The following EDC4 variants were observed in gnomAD, a reference collection of about 807,000 sequenced individuals.
EDC4 encodes enhancer of mRNA decapping 4.
EDC4 carries 64 observed loss-of-function variants against 155.8 expected under a neutral mutation model. The ratio of observed to expected loss-of-function variants is 0.41; its 90% CI spans 0.34 to 0.51. EDC4 has a LOEUF of 0.51. EDC4 is among the 20% of genes least tolerant of loss of function. The pLI, the probability that EDC4 is intolerant of heterozygous loss-of-function variation, is 0.19. For synonymous variants in EDC4, 684 were observed against 716.8 expected (o/e 0.95, Z 0.73); for missense variants, 1,303 against 1,812.5 (o/e 0.72, Z 5.10).
In EDC4 at chr16:67,877,068, A is replaced by C; in HGVS notation, c.451+96A>C. Reference sequence around the variant, plus strand: ...CACTCAGGCCTTAGGGGTACAATGGAAGGTTTGTCCATGCTGCCTCTTGGG... The same window carrying C: ...CACTCAGGCCTTAGGGGTACAATGGCAGGTTTGTCCATGCTGCCTCTTGGG... On this transcript the variant is annotated intron_variant, in intron 4 of 28. Transcript: ENST00000358933. This position sits in a 1 kb window ranked among gnomAD's most constrained non-coding sequence, Gnocchi z 4.9. 6.4e-7 allele frequency: 1 copy of C among 1,561,628 alleles called. No homozygotes were observed. Among genetic ancestry groups the C allele is most frequent in the Non-Finnish European group, 8.7e-7 (1 of 1,152,416 alleles).
At position 67,873,090 on chromosome 16, in the gene EDC4, T is replaced by G. The variant is rs2058025889; in HGVS notation, c.-172T>G. On this transcript the variant is annotated 5_prime_UTR_variant, in exon 1 of 29. Coordinates refer to ENST00000358933, the MANE Select transcript of EDC4 (RefSeq NM_014329.5). ...GGGTGCCGGAAGTGGAGGCGGTTGG[T>G]GGGGTTGGCGGGGCTCAGCGACGCT... The G allele has an allele frequency of 2.2e-6, 1 of 444,814 alleles. No homozygotes were observed. The highest frequency in any genetic ancestry group is 3.8e-6 in the Non-Finnish European group (1 of 259,960). 27.6% of individuals were successfully genotyped at this position (444,814 alleles called of 1,614,324 possible).
Position 67,880,307 on chromosome 16 carries a change from T to G in EDC4, c.2097+91T>G. On this transcript the variant is annotated intron_variant, in intron 17 of 28. Transcript: ENST00000358933. This position sits in a 1 kb window ranked among gnomAD's most constrained non-coding sequence, Gnocchi z 5.2. ...TGGGCTCCTCCCAGCCCCCTGCTGCTGATCCTGCTCTACCCGACATGGTCC... is the reference window on the plus strand; with the variant it reads ...TGGGCTCCTCCCAGCCCCCTGCTGCGGATCCTGCTCTACCCGACATGGTCC... 6.7e-7 allele frequency: 1 copy of G among 1,496,318 alleles called. No individual in the cohort carries two copies. Among genetic ancestry groups the G allele is most frequent in the African/African-American group, 1.4e-5 (1 of 72,046 alleles). The allele number at this position is 1,496,318 out of a possible 1,614,324, so 92.7% of individuals were successfully genotyped here.
In EDC4 at chr16:67,883,319, T is replaced by C. The variant is rs2058078676; in HGVS notation, c.3849+142T>C. ...GTTCCCTTTGGCCTCCAGGCCATTG[T>C]CCCTGCTGCTTCCTCTTCCTGGACC... On this transcript the variant is annotated intron_variant, in intron 27 of 28. Coordinates refer to ENST00000358933, the MANE Select transcript of EDC4 (RefSeq NM_014329.5). The surrounding 1 kb of genome is among the most constrained non-coding windows in gnomAD (Gnocchi z 5.3). The C allele has an allele frequency of 8.1e-6, 11 of 1,357,636 alleles. No homozygotes were observed. In the South Asian group the frequency reaches 1.6e-4, roughly 20 times the overall value. 84.1% of individuals were successfully genotyped at this position (1,357,636 alleles called of 1,614,324 possible).
In EDC4 at chr16:67,882,663, T is replaced by C. The variant is rs753091404; in HGVS notation, c.3443-16T>C. ...TTCCTACTGTTCCTCTTATAGTCCC[T>C]GTGGTCACCCCTCAGACTTGCAGCA... On this transcript the variant is annotated splice_polypyrimidine_tract_variant and intron_variant, in intron 25 of 28. Coordinates refer to ENST00000358933, the MANE Select transcript of EDC4 (RefSeq NM_014329.5). This position sits in a 1 kb window ranked among gnomAD's most constrained non-coding sequence, Gnocchi z 7.2. The C allele has an allele frequency of 6.2e-7, 1 of 1,614,208 alleles. No individual in the cohort carries two copies. Among genetic ancestry groups the C allele is most frequent in the East Asian group, 2.2e-5 (1 of 44,888 alleles).
Position 67,883,564 on chromosome 16 carries a change from C to G in EDC4, c.3850-4C>G. The G allele has an allele frequency of 1.2e-6, 2 of 1,613,102 alleles. No homozygotes were observed. The highest frequency in any genetic ancestry group is 1.7e-6 in the Non-Finnish European group (2 of 1,179,912). On this transcript the variant is annotated splice_region_variant and splice_polypyrimidine_tract_variant and intron_variant, in intron 27 of 28. Coordinates refer to ENST00000358933, the MANE Select transcript of EDC4 (RefSeq NM_014329.5). This position sits in a 1 kb window ranked among gnomAD's most constrained non-coding sequence, Gnocchi z 5.3. ...ATAAACACTGCTGCTTTTTTCTCCTCCAGGCGCTGACAGCTGCTGACCTGA... is the reference window on the plus strand; with the variant it reads ...ATAAACACTGCTGCTTTTTTCTCCTGCAGGCGCTGACAGCTGCTGACCTGA...
chr16:67,874,048 G>A (rs985547953), intron 1 of EDC4, among the ~76,000 whole-genome samples: 2 of 152,204 alleles, frequency 1.3e-5, no homozygotes, highest in African/African-American at 2.4e-5. Context: ...TTGAAAGAAA[G>A]GAGTGTCTCG....
Position 67,876,776 on chromosome 16 carries a change from C to T in EDC4, c.352-97C>T, listed in dbSNP as rs2058043304. 6.4e-7 allele frequency: 1 copy of T among 1,569,682 alleles called. No homozygotes were observed. Among genetic ancestry groups the T allele is most frequent in the Admixed American group, 1.8e-5 (1 of 56,372 alleles). ...GGCTCCAGGAGGTAACAGTGGGTAG[C>T]TGGACTTGCATCTGTGTCCTCTCCC... On this transcript the variant is annotated intron_variant, in intron 3 of 28. Coordinates refer to ENST00000358933, the MANE Select transcript of EDC4 (RefSeq NM_014329.5). This position sits in a 1 kb window ranked among gnomAD's most constrained non-coding sequence, Gnocchi z 5.8.
Position 67,873,079 on chromosome 16 carries a change from G to C in EDC4, c.-183G>C, listed in dbSNP as rs1242953750. Reference sequence around the variant, plus strand: ...CCTCGGCTCGTGGGTGCCGGAAGTGGAGGCGGTTGGTGGGGTTGGCGGGGC... The same window carrying C: ...CCTCGGCTCGTGGGTGCCGGAAGTGCAGGCGGTTGGTGGGGTTGGCGGGGC... On this transcript the variant is annotated 5_prime_UTR_variant, in exon 1 of 29. Transcript: ENST00000358933. 2.3e-6 allele frequency: 1 copy of C among 438,502 alleles called. No individual in the cohort carries two copies. The highest frequency in any genetic ancestry group is 3.6e-5 in the East Asian group (1 of 27,580). The allele number at this position is 438,502 out of a possible 1,614,324, so 27.2% of individuals were successfully genotyped here.
Position 67,881,925 on chromosome 16 carries a change from T to G in EDC4, c.3005-29T>G. 4 of 1,603,834 alleles carry G rather than the reference T, an allele frequency of 2.5e-6. No homozygotes were observed. The highest frequency in any genetic ancestry group is 3.4e-6 in the Non-Finnish European group (4 of 1,173,024). ...GCCTGGGAAGGAGTACACGACCTGCTCCAGGCCCGTTCCTTAGCTATGGCG... is the reference window on the plus strand; with the variant it reads ...GCCTGGGAAGGAGTACACGACCTGCGCCAGGCCCGTTCCTTAGCTATGGCG... On this transcript the variant is annotated intron_variant, in intron 22 of 28. Coordinates refer to ENST00000358933, the MANE Select transcript of EDC4 (RefSeq NM_014329.5). This position sits in a 1 kb window ranked among gnomAD's most constrained non-coding sequence, Gnocchi z 5.4.
In EDC4 at chr16:67,878,939, A is replaced by T; in HGVS notation, c.1288-18A>T. 1 of 1,610,224 alleles carries T rather than the reference A, an allele frequency of 6.2e-7. No homozygotes were observed. Among genetic ancestry groups the T allele is most frequent in the Non-Finnish European group, 8.5e-7 (1 of 1,178,638 alleles). On this transcript the variant is annotated intron_variant, in intron 11 of 28. Transcript: ENST00000358933. This position sits in a 1 kb window ranked among gnomAD's most constrained non-coding sequence, Gnocchi z 5.2. ...CCCTTAGCCTCTGAGCTCAGCTAGG[A>T]ACGTTCTGCCTGTGCAGGTCCTCTA... is the stretch of plus-strand genomic sequence containing the variant.
rs1264086746 is a variant in EDC4 at position 67,879,195 on chromosome 16, CAG to C, written c.1469-37_1469-36del. The C allele has an allele frequency of 3.1e-6, 5 of 1,614,068 alleles. No homozygotes were observed. The highest frequency in any genetic ancestry group is 4.2e-6 in the Non-Finnish European group (5 of 1,180,034). ...ATATATCTAGGGGGTTGTGGAGGCACAGAGAGGGCCAGGGGCTTCATCATCCA... is the reference window on the plus strand; with the variant it reads ...ATATATCTAGGGGGTTGTGGAGGCACAGAGGGCCAGGGGCTTCATCATCCA... On this transcript the variant is annotated intron_variant, in intron 12 of 28. Transcript: ENST00000358933. This position sits in a 1 kb window ranked among gnomAD's most constrained non-coding sequence, Gnocchi z 6.0.
Position 67,877,491 on chromosome 16 carries a change from C to A in EDC4, c.642-18C>A. 1 of 1,613,984 alleles carries A rather than the reference C, an allele frequency of 6.2e-7. No individual in the cohort carries two copies. Reference sequence around the variant, plus strand: ...ACGCCTCTTCATTCATCTATCTAGCCCTTAACACCCTGCTCAGAGAAGAGA... The same window carrying A: ...ACGCCTCTTCATTCATCTATCTAGCACTTAACACCCTGCTCAGAGAAGAGA... On this transcript the variant is annotated intron_variant, in intron 5 of 28. Transcript: ENST00000358933. This position sits in a 1 kb window ranked among gnomAD's most constrained non-coding sequence, Gnocchi z 4.9.
Position 67,881,462 on chromosome 16 carries a change from C to T in EDC4, c.2790-35C>T, listed in dbSNP as rs773064151. 6.2e-6 allele frequency: 10 copies of T among 1,614,070 alleles called. No individual in the cohort carries two copies. Among genetic ancestry groups the T allele is most frequent in the South Asian group, 1.1e-5 (1 of 91,092 alleles). ...AGGGAGAGGGTGGTCTCTAGGCTGC[C>T]TCACATAGCCTGAGGTGCTTCTCGC... On this transcript the variant is annotated intron_variant, in intron 20 of 28. Transcript: ENST00000358933. The surrounding 1 kb of genome is among the most constrained non-coding windows in gnomAD (Gnocchi z 5.4).
rs758565921 is a variant in EDC4, at chr16:67,882,664, G to T, written c.3443-15G>T. 2.5e-6 allele frequency: 4 copies of T among 1,614,228 alleles called. No homozygotes were observed. The highest frequency in any genetic ancestry group is 2.5e-6 in the Non-Finnish European group (3 of 1,180,044). On this transcript the variant is annotated splice_polypyrimidine_tract_variant and intron_variant, in intron 25 of 28. Coordinates refer to ENST00000358933, the MANE Select transcript of EDC4 (RefSeq NM_014329.5). The surrounding 1 kb of genome is among the most constrained non-coding windows in gnomAD (Gnocchi z 7.2). The stretch of plus-strand genomic sequence containing the variant: ...TCCTACTGTTCCTCTTATAGTCCCT[G>T]TGGTCACCCCTCAGACTTGCAGCAG...
chr16:67,875,694 C>A, intron 1 of EDC4: 1 of 1,290,986 alleles, frequency 7.7e-7, no homozygotes, highest in African/African-American at 1.5e-5. Flanking sequence ...CCTGAGTATT[C>A]ACTGCCCTCA....
Position 67,882,192 on chromosome 16 carries a change from A to G in EDC4, c.3161-20A>G. The G allele has an allele frequency of 6.2e-7, 1 of 1,613,256 alleles. No homozygotes were observed. Among genetic ancestry groups the G allele is most frequent in the Non-Finnish European group, 8.5e-7 (1 of 1,179,656 alleles). On this transcript the variant is annotated intron_variant, in intron 23 of 28. Transcript: ENST00000358933. The surrounding 1 kb of genome is among the most constrained non-coding windows in gnomAD (Gnocchi z 7.2). ...AAGCTTCTTCTCATGGCTCCACCTC[A>G]CCCTCTTCCCCTCTCCCAGGTGTCT...
At chr16:67,874,374 G>A (rs138060188) in intron 1 of EDC4, among the ~76,000 whole-genome samples, 4,427 of 152,302 alleles carry the variant, frequency 0.029, 94 homozygotes, top group Middle Eastern at 0.15. Flanking sequence ...GCAGGCACTG[G>A]TGCTCACTAG....
chr16:67,878,524 GT>G lies in EDC4; in HGVS notation c.1089-10del, dbSNP rs1224577011. On this transcript the variant is annotated splice_polypyrimidine_tract_variant and intron_variant, in intron 9 of 28. Coordinates refer to ENST00000358933, the MANE Select transcript of EDC4 (RefSeq NM_014329.5). The surrounding 1 kb of genome is among the most constrained non-coding windows in gnomAD (Gnocchi z 5.2). ...GCCCCAGCCAGTCACTCACTGCCTT[GT>G]TGCCTTGCAGTGTCCCTTTCTGGAG... 1 of 1,614,232 alleles carries G rather than the reference GT, an allele frequency of 6.2e-7. No individual in the cohort carries two copies.
intron 1 of EDC4, among the ~76,000 whole-genome samples, chr16:67,874,578 C>T (rs2058034504): frequency 6.6e-6 from 1 of 152,204 alleles, no homozygotes; most frequent in African/African-American, 2.4e-5. Flanking sequence ...CCATGTACAG[C>T]CTGAGCCTGC....
Sources: gnomAD v4.1 joint callset for allele counts (sites outside exome capture counted in the v4.1 genomes callset) on GRCh38, gnomAD v4.1.1 for gene constraint, Gnocchi (gnomAD v3.1) non-coding constraint, MANE v1.5 for transcripts, NCBI Gene and HGNC (gene_info 2026-07-23, HGNC 2026-07-21) for gene names.